Variants in CLEC2A observed in about 807,000 individuals in gnomAD.
CLEC2A encodes C-type lectin domain family 2 member A.
CLEC2A carries 19 observed loss-of-function variants against 18.6 expected under a neutral mutation model. That is an observed-to-expected ratio of 1.02 (90% CI 0.71 to 1.50). The LOEUF is 1.50. Ranked by LOEUF, CLEC2A falls within the 40% of genes most tolerant of loss-of-function variation. The pLI is 0.00. For missense variants in CLEC2A, 190 were observed against 207.9 expected (o/e 0.91, Z 0.53); for synonymous variants, 74 against 64.0 (o/e 1.16, Z -0.75).
chr12:9,881,648 C>G, the CLEC2A span: 2 of 1,535,052 alleles, frequency 1.3e-6, no homozygotes, highest in South Asian at 2.4e-5. Flanking sequence ...CGTTGTAAAT[C>G]GAAGCAGAAA....
chr12:9,880,931 CA>C, the CLEC2A span, among the ~76,000 whole-genome samples: 227 of 152,258 alleles, frequency 1.5e-3, no homozygotes, highest in Non-Finnish European at 2.6e-3. Context: ...GTGACTCAGC[CA>C]AGTTGACACA....
intron 2 of CLEC2A, among the ~76,000 whole-genome samples, chr12:9,925,255 C>A (rs752761262): frequency 2.0e-5 from 3 of 152,216 alleles, no homozygotes; most frequent in African/African-American, 7.2e-5. Context: ...AAACCCTGAG[C>A]GGGTAGAGGT....
chr12:9,902,658 GA>G (rs1862850011), intron 4 of CLEC2A, among the ~76,000 whole-genome samples: 6 of 149,528 alleles, frequency 4.0e-5, no homozygotes, highest in African/African-American at 1.5e-4. Flanking sequence ...AAAAAAAAAA[GA>G]AAGAAACAAG....
chr12:9,899,094 G>C (rs1862791067), intron 4 of CLEC2A: 1 of 560,598 alleles, frequency 1.8e-6, no homozygotes. Flanking sequence ...TTTGCACAGG[G>C]AGAGGCAGGC....
intron 4 of CLEC2A, among the ~76,000 whole-genome samples, chr12:9,906,193 C>G (rs968346903): frequency 1.3e-5 from 2 of 152,024 alleles, no homozygotes; most frequent in Admixed American, 1.3e-4. Context: ...ATAATATTTC[C>G]CTTTGATCTG....
chr12:9,926,385 A>G, intron 1 of CLEC2A, 42 bp from the exon 2 acceptor site: 1 of 1,220,676 alleles, frequency 8.2e-7, no homozygotes, highest in East Asian at 2.5e-5. Context: ...TTCTGAATAA[A>G]CACTGACTCG....
chr12:9,916,724 G>A lies in CLEC2A; in HGVS notation c.386C>T (p.Thr129Ile), dbSNP rs753238164. 3.9e-6 allele frequency: 6 copies of A among 1,549,240 alleles called. No individual in the cohort carries two copies. The highest frequency in any genetic ancestry group is 5.2e-6 in the Non-Finnish European group (6 of 1,144,764). The change falls in exon 4 of 5, where the codon ACA becomes ATA. Residue 129 changes from threonine (T) to isoleucine (I), a missense_variant. Physicochemically the swap from Thr to Ile is moderately conservative, Grantham distance 89. Transcript: ENST00000455827. Reference sequence around the variant, plus strand: ...CCAACCATTGAATGTGGTGCCATTTGTCCATTTCCAAGAATCTCCTTGTTT... The same window carrying A: ...CCAACCATTGAATGTGGTGCCATTTATCCATTTCCAAGAATCTCCTTGTTT... ...SRKQGDSWKW[T>I]NGTTFNGWFE... is the part of the protein sequence containing the mutation.
chr12:9,887,263 C>T, the CLEC2A span, among the ~76,000 whole-genome samples: 6 of 152,002 alleles, frequency 3.9e-5, no homozygotes, highest in East Asian at 1.2e-3. Flanking sequence ...ACAGATAATA[C>T]ATAGAAAGAG....
chr12:9,931,971 T>C (rs1441561823), intron 1 of CLEC2A, among the ~76,000 whole-genome samples: 1 of 152,232 alleles, frequency 6.6e-6, no homozygotes, highest in Non-Finnish European at 1.5e-5. Flanking sequence ...TTTTATTCTG[T>C]ATAAAAGTGT....
chr12:9,907,771 C>G (rs1862926026), intron 4 of CLEC2A, among the ~76,000 whole-genome samples: 1 of 152,188 alleles, frequency 6.6e-6, no homozygotes, highest in East Asian at 1.9e-4. Context: ...TGGGGCAAAA[C>G]TATCCATCAG....
At chr12:9,896,882 C>T (rs1336423743), downstream of CLEC2A, among the ~76,000 whole-genome samples, 8 of 138,176 alleles carry the variant, frequency 5.8e-5, no homozygotes, top group African/African-American at 1.9e-4. Flanking sequence ...TTTTTTGAGA[C>T]GGAGTCTCAC....
At chr12:9,882,605 C>T in the CLEC2A span, among the ~76,000 whole-genome samples, 2 of 152,142 alleles carry the variant, frequency 1.3e-5, no homozygotes, top group East Asian at 3.9e-4. Flanking sequence ...TGGTGAAACC[C>T]CGTCTCTACT....
At chr12:9,895,682 C>T (rs533080525), downstream of CLEC2A, 20 of 1,518,126 alleles carry the variant, frequency 1.3e-5, no homozygotes, top group South Asian at 1.1e-4. Context: ...TGTCCTTTGT[C>T]TCTTAGGTTT....
intron 1 of CLEC2A, among the ~76,000 whole-genome samples, chr12:9,931,368 G>C (rs644944): frequency 0.078 from 11,806 of 152,098 alleles, 650 homozygotes; most frequent in South Asian, 0.3. Flanking sequence ...AATATACAAC[G>C]AAGTAAATTT....
chr12:9,911,746 T>C (rs1862989345), downstream of CLEC2A, among the ~76,000 whole-genome samples: 1 of 152,142 alleles, frequency 6.6e-6, no homozygotes, highest in African/African-American at 2.4e-5. Context: ...TCACACACAG[T>C]ATACACACAG....
At chr12:9,894,908 T>C (rs111860694), downstream of CLEC2A, among the ~76,000 whole-genome samples, 1,459 of 152,248 alleles carry the variant, frequency 9.6e-3, 19 homozygotes, top group African/African-American at 0.034. Context: ...AAAGGTAAAA[T>C]ATCACTTTTA....
chr12:9,882,580 C>T, the CLEC2A span, among the ~76,000 whole-genome samples: 1 of 152,068 alleles, frequency 6.6e-6, no homozygotes, highest in Non-Finnish European at 1.5e-5. Flanking sequence ...GAATTCGAGA[C>T]CAGCCTGGCC....
At chr12:9,910,542 C>G (rs575005671), downstream of CLEC2A, among the ~76,000 whole-genome samples, 29 of 152,268 alleles carry the variant, frequency 1.9e-4, no homozygotes, top group African/African-American at 6.5e-4. Flanking sequence ...GCTTAGCTCC[C>G]CTTTTACTGG....
chr12:9,924,208 T>C (rs555468343), intron 2 of CLEC2A, among the ~76,000 whole-genome samples: 1 of 151,930 alleles, frequency 6.6e-6, no homozygotes, highest in South Asian at 2.1e-4. Flanking sequence ...ATTTCTCTAC[T>C]GACCAGTGAT....
Sources: allele counts gnomAD v4.1 joint callset (sites outside exome capture counted in the v4.1 genomes callset), GRCh38; gene constraint gnomAD v4.1.1; transcripts MANE v1.5; gene names NCBI Gene and HGNC (gene_info 2026-07-23, HGNC 2026-07-21).